The following PHACTR1 variants were observed in gnomAD, a reference collection of about 807,000 sequenced individuals.
The protein encoded by PHACTR1 is RPEL repeat containing 1.
PHACTR1 carries 16 observed loss-of-function variants against 69.2 expected under a neutral mutation model. That is an observed-to-expected ratio of 0.23 (90% confidence interval 0.16 to 0.35). The LOEUF (loss-of-function observed/expected upper bound fraction) is 0.35, where lower values mean the gene tolerates loss of function less well. Ranked by LOEUF, PHACTR1 falls within the 10% of genes least tolerant of loss-of-function variation. The pLI, the probability that PHACTR1 is intolerant of heterozygous loss-of-function variation, is 1.00. For missense variants in PHACTR1, 510 were observed against 734.7 expected, an observed-to-expected ratio of 0.69 and a Z score of 3.54; for synonymous variants, 312 against 284.5, an observed-to-expected ratio of 1.10 and a Z score of -0.97.
intron 7 of PHACTR1, 76 bp from the exon 8 acceptor site, chr6:13,205,739 T>C: frequency 7.2e-7 from 1 of 1,383,978 alleles, no homozygotes. Flanking sequence ...AGTCTCCAGG[T>C]GAGCGCATCT....
intron 4 of PHACTR1, among the ~76,000 whole-genome samples, chr6:12,898,694 G>A (rs758405762): frequency 5.3e-5 from 8 of 152,062 alleles, no homozygotes; most frequent in African/African-American, 7.2e-5. Context: ...ATCCAGTCTC[G>A]TGCTGCAGGC....
chr6:13,055,852 A>T (rs1330318187), intron 5 of PHACTR1, among the ~76,000 whole-genome samples: 7 of 152,258 alleles, frequency 4.6e-5, no homozygotes, highest in Non-Finnish European at 1.0e-4. Context: ...TTAAGCTCAT[A>T]TGGGAGAAAG....
chr6:12,883,532 T>TA (rs1291943078), intron 4 of PHACTR1, among the ~76,000 whole-genome samples: 15 of 151,106 alleles, frequency 9.9e-5, no homozygotes, highest in African/African-American at 3.2e-4. Flanking sequence ...TTTTTTTTTT[T>TA]AAAGGTAGAA....
At chr6:13,266,898 C>G (rs904309941) in intron 10 of PHACTR1, 1 of 152,260 alleles carries the variant, frequency 6.6e-6, no homozygotes, top group African/African-American at 2.4e-5. Flanking sequence ...AAATCACACC[C>G]ACGGCATCTG....
intron 5 of PHACTR1, among the ~76,000 whole-genome samples, chr6:13,132,755 A>C (rs1820677359): frequency 6.6e-6 from 1 of 151,872 alleles, no homozygotes; most frequent in Admixed American, 6.6e-5. Context: ...GTGAATGATC[A>C]TCGGAGGCTT....
chr6:13,276,624 T>A (rs892155369), intron 11 of PHACTR1, among the ~76,000 whole-genome samples: 1 of 151,898 alleles, frequency 6.6e-6, no homozygotes, highest in African/African-American at 2.4e-5. Flanking sequence ...ATACAAAAAT[T>A]AGCTGGGTGT....
At chr6:13,084,123 C>T (rs1275597086) in intron 5 of PHACTR1, among the ~76,000 whole-genome samples, 1 of 151,814 alleles carries the variant, frequency 6.6e-6, no homozygotes, top group African/African-American at 2.4e-5. Flanking sequence ...TGGAACTGAC[C>T]CAAATGTCCA....
intron 10 of PHACTR1, among the ~76,000 whole-genome samples, chr6:13,236,272 A>T (rs1562046394): frequency 1.3e-5 from 2 of 152,228 alleles, no homozygotes; most frequent in South Asian, 4.1e-4. Flanking sequence ...GACATAGCCA[A>T]TAATGCAGAC....
At chr6:12,777,632 T>C (rs1464029534) in intron 4 of PHACTR1, among the ~76,000 whole-genome samples, 1 of 42,028 alleles carries the variant, frequency 2.4e-5, no homozygotes, top group African/African-American at 1.3e-4. Flanking sequence ...CTTCTTTTTT[T>C]TTTTTTTTTT....
chr6:12,945,439 C>T (rs1790572718), intron 4 of PHACTR1, among the ~76,000 whole-genome samples: 1 of 152,202 alleles, frequency 6.6e-6, no homozygotes, highest in Admixed American at 6.5e-5. Context: ...GTACATTCTC[C>T]AGTGCCTGGC....
rs539852086 is a variant in PHACTR1 at position 13,040,221 on chromosome 6, G to A, written c.251-13144G>A. Reference sequence around the variant, plus strand: ...TCATGGGCCTTAGTATTTCCCAAAAGGTCCTGAAGGGCAGGGCTGAGAGCA... The same window carrying A: ...TCATGGGCCTTAGTATTTCCCAAAAAGTCCTGAAGGGCAGGGCTGAGAGCA... On this transcript the variant is annotated intron_variant, in intron 4 of 14. Transcript: ENST00000332995. 4.6e-5 allele frequency among the ~76,000 whole-genome samples: 7 copies of A among 152,198 alleles called. No homozygotes were observed. In the South Asian group the frequency reaches 1.5e-3, roughly 32 times the overall value.
intron 6 of PHACTR1, among the ~76,000 whole-genome samples, chr6:13,169,644 T>G (rs1354950105): frequency 6.6e-6 from 1 of 152,142 alleles, no homozygotes; most frequent in Non-Finnish European, 1.5e-5. Flanking sequence ...GGGGACAAAG[T>G]GGCCCACACT....
At chr6:13,053,003 T>C (rs1441327300) in intron 4 of PHACTR1, among the ~76,000 whole-genome samples, 1 of 152,086 alleles carries the variant, frequency 6.6e-6, no homozygotes, top group East Asian at 1.9e-4. Flanking sequence ...CCAAGTCTTA[T>C]TTGAGAAATT....
At chr6:12,745,404 T>C (rs1765647823) in intron 3 of PHACTR1, among the ~76,000 whole-genome samples, 1 of 152,178 alleles carries the variant, frequency 6.6e-6, no homozygotes, top group Non-Finnish European at 1.5e-5. Context: ...AAAGACGCAA[T>C]CATGGGTGGC....
chr6:12,862,448 T>G (rs1277182118), intron 4 of PHACTR1, among the ~76,000 whole-genome samples: 1 of 152,068 alleles, frequency 6.6e-6, no homozygotes, highest in African/African-American at 2.4e-5. Context: ...GAAACACACC[T>G]CTACTGTCCA....
chr6:12,738,596 C>T (rs891013708), intron 3 of PHACTR1, among the ~76,000 whole-genome samples: 12 of 152,206 alleles, frequency 7.9e-5, no homozygotes, highest in African/African-American at 2.7e-4. Flanking sequence ...GGCATGGTGG[C>T]TCACTCCTGT....
chr6:12,798,039 G>GAC (rs10529531), intron 4 of PHACTR1, among the ~76,000 whole-genome samples: 221 of 137,876 alleles, frequency 1.6e-3, no homozygotes, highest in African/African-American at 5.4e-3. Flanking sequence ...TCATTTCCTA[G>GAC]ACACACACAC....
At chr6:12,804,902 A>G (rs1774133236) in intron 4 of PHACTR1, among the ~76,000 whole-genome samples, 1 of 152,230 alleles carries the variant, frequency 6.6e-6, no homozygotes, top group South Asian at 2.1e-4. Context: ...CCAAAAATGG[A>G]CAAGAATTAA....
intron 4 of PHACTR1, among the ~76,000 whole-genome samples, chr6:12,887,810 T>C (rs1783784802): frequency 6.6e-6 from 1 of 152,036 alleles, no homozygotes. Context: ...GTCTCACACC[T>C]GTAATCCCAG....
Sources: allele counts gnomAD v4.1 joint callset (sites outside exome capture counted in the v4.1 genomes callset), GRCh38; gene constraint gnomAD v4.1.1; transcripts MANE v1.5; gene names NCBI Gene and HGNC (gene_info 2026-07-23, HGNC 2026-07-21).